Variants in CTSS observed in about 807,000 individuals in gnomAD.
CTSS encodes the protein cathepsin S.
CTSS carries 15 observed loss-of-function variants against 39.9 expected under a neutral mutation model. The observed-to-expected ratio is 0.38, with a 90% CI of 0.25 to 0.58. The LOEUF (loss-of-function observed/expected upper bound fraction) is 0.58, where lower values mean the gene tolerates loss of function less well. Ranked by LOEUF, CTSS falls within the 20% of genes least tolerant of loss-of-function variation. The pLI, the probability that CTSS is intolerant of heterozygous loss-of-function variation, is 0.70. For synonymous variants in CTSS, 126 were observed against 138.2 expected, an observed-to-expected ratio of 0.91 and a Z score of 0.62; for missense variants, 250 against 398.2, an observed-to-expected ratio of 0.63 and a Z score of 3.17.
intron 7 of CTSS, among the ~76,000 whole-genome samples, chr1:150,733,796 C>T (rs1331990024): frequency 6.6e-6 from 1 of 151,456 alleles, no homozygotes; most frequent in Non-Finnish European, 1.5e-5. Context: ...GTCCCTGATT[C>T]TACAAAAAAA....
chr1:150,737,951 T>G (rs770045710), intron 7 of CTSS, among the ~76,000 whole-genome samples: 1 of 152,152 alleles, frequency 6.6e-6, no homozygotes, highest in Non-Finnish European at 1.5e-5. Flanking sequence ...AAAAGGCTAA[T>G]GTGCTGGGAG....
At chr1:150,765,214 T>A (rs2101930108) in intron 1 of CTSS, among the ~76,000 whole-genome samples, 1 of 152,136 alleles carries the variant, frequency 6.6e-6, no homozygotes, top group African/African-American at 2.4e-5. Flanking sequence ...ATATCCACAG[T>A]CTTTACAGAT....
In CTSS at chr1:150,733,152, A is replaced by G; in HGVS notation, c.897-7T>C. ...ACCAAAGTTGTGGCCCCAGCTTTAG[A>G]AAAAGAAATAATACAAAATTACAAA... On this transcript the variant is annotated splice_region_variant and splice_polypyrimidine_tract_variant and intron_variant, in intron 7 of 7. Coordinates refer to ENST00000368985, the MANE Select transcript of CTSS (RefSeq NM_004079.5). The G allele has an allele frequency of 6.3e-7, 1 of 1,592,660 alleles. No individual in the cohort carries two copies. Among genetic ancestry groups the G allele is most frequent in the Non-Finnish European group, 8.6e-7 (1 of 1,163,902 alleles).
intron 3 of CTSS, among the ~76,000 whole-genome samples, chr1:150,757,642 C>G (rs1168564686): frequency 6.6e-6 from 1 of 151,980 alleles, no homozygotes; most frequent in African/African-American, 2.4e-5. Context: ...AAAATTTCCT[C>G]TAAAGAAGTG....
Position 150,755,107 on chromosome 1 carries a change from G to A in CTSS, c.293C>T (p.Pro98Leu), listed in dbSNP as rs370638779. The change falls in exon 4 of 8, where the codon CCC becomes CTC. Residue 98 changes from proline (P) to leucine (L), a missense_variant. Transcript: ENST00000368985. ...TGTGATATTTCTCTGCCACTGGCTG[G>A]GAACTCTCAGGGAACTCATCAAAGA... ...VMSLMSSLRV[P>L]SQWQRNITYK... The A allele has an allele frequency of 5.0e-6, 8 of 1,613,996 alleles. No individual in the cohort carries two copies. The highest frequency in any genetic ancestry group is 5.9e-6 in the Non-Finnish European group (7 of 1,180,020).
rs1237865269 is a variant in CTSS, at chr1:150,731,917, C to CT, written c.*1128dup. On this transcript the variant is annotated 3_prime_UTR_variant, in exon 8 of 8. Coordinates refer to ENST00000368985, the MANE Select transcript of CTSS (RefSeq NM_004079.5). ...AATATAAAAATATGTGTTGAATCCTCTTTTTTTAAGACAGGGTCTTGCTCT... is the reference window on the plus strand; with the variant it reads ...AATATAAAAATATGTGTTGAATCCTCTTTTTTTTAAGACAGGGTCTTGCTCT... 2 of 152,026 alleles carry CT rather than the reference C, an allele frequency of 1.3e-5. No individual in the cohort carries two copies. Among genetic ancestry groups the CT allele is most frequent in the African/African-American group, 4.8e-5 (2 of 41,400 alleles). The allele number at this position is 152,026 out of a possible 1,614,324, so 9.4% of individuals were successfully genotyped here.
At chr1:150,761,074 G>A (rs587744367) in intron 2 of CTSS, among the ~76,000 whole-genome samples, 25 of 151,598 alleles carry the variant, frequency 1.6e-4, no homozygotes, top group African/African-American at 5.8e-4. Context: ...AGCTACTCAG[G>A]AGGCTGAGGC....
In CTSS at chr1:150,735,187, T is replaced by C. The variant is rs78416560; in HGVS notation, c.897-2042A>G. Among the ~76,000 whole-genome samples, 68 of 152,342 alleles carry C rather than the reference T, an allele frequency of 4.5e-4. 1 individual carries two copies. The East Asian group carries it at 0.013, about 28-fold the overall frequency. On this transcript the variant is annotated intron_variant, in intron 7 of 7. Transcript: ENST00000368985. ...AAATTTTGGCTCAGGGACTCAAAGT[T>C]TGTGTTTTTGCATGCAGTGGAGAAC...
chr1:150,731,387 C>CA lies in CTSS; in HGVS notation c.*1658dup, dbSNP rs1652519205. The CA allele has an allele frequency of 6.6e-6, 1 of 151,976 alleles. No individual in the cohort carries two copies. The highest frequency in any genetic ancestry group is 1.5e-5 in the Non-Finnish European group (1 of 67,990). 9.4% of individuals were successfully genotyped at this position (151,976 alleles called of 1,614,324 possible). On this transcript the variant is annotated 3_prime_UTR_variant, in exon 8 of 8. Transcript: ENST00000368985. ...TGGGCAACAGAGTGAGACTCCGTCT[C>CA]AAAAAACAAAACAAAACTGAAAAGT...
chr1:150,739,184 G>A (rs1221991814), intron 7 of CTSS, among the ~76,000 whole-genome samples: 2 of 151,904 alleles, frequency 1.3e-5, no homozygotes, highest in African/African-American at 2.4e-5. Context: ...AACAGAGGGA[G>A]ACTGTCTCAA....
intron 5 of CTSS, among the ~76,000 whole-genome samples, chr1:150,751,096 G>A (rs1652996893): frequency 6.6e-6 from 1 of 152,078 alleles, no homozygotes; most frequent in African/African-American, 2.4e-5. Context: ...ATATCAAAAT[G>A]TATAATGAAT....
At chr1:150,762,423 G>A (rs957953335) in intron 2 of CTSS, among the ~76,000 whole-genome samples, 1 of 152,036 alleles carries the variant, frequency 6.6e-6, no homozygotes, top group Non-Finnish European at 1.5e-5. Context: ...AAAAATAGAC[G>A]AACGGGACTC....
chr1:150,738,531 CAGGT>C (rs1476448936), intron 7 of CTSS, among the ~76,000 whole-genome samples: 6 of 150,000 alleles, frequency 4.0e-5, no homozygotes, highest in African/African-American at 1.5e-4. Context: ...CTCTGTCATC[CAGGT>C]TGTTGTGCAG....
Position 150,763,633 on chromosome 1 carries a change from TA to T in CTSS, c.126+1004del, listed in dbSNP as rs587731786. On this transcript the variant is annotated intron_variant, in intron 2 of 7. Coordinates refer to ENST00000368985, the MANE Select transcript of CTSS (RefSeq NM_004079.5). ...GTGTATGACCTAAGAGTGTCATTTT[TA>T]TACAAAATAATATGTCAAATAAATA... Among the ~76,000 whole-genome samples, 517 of 152,234 alleles carry T rather than the reference TA, an allele frequency of 3.4e-3. 2 individuals are homozygous for T. Among genetic ancestry groups the T allele is most frequent in the Non-Finnish European group, 6.0e-3 (406 of 68,018 alleles).
At chr1:150,758,875 G>T (rs1229067372) in intron 2 of CTSS, among the ~76,000 whole-genome samples, 2 of 148,044 alleles carry the variant, frequency 1.4e-5, no homozygotes, top group Non-Finnish European at 3.0e-5. Context: ...TTTAGACAGG[G>T]TCTTGCTCTT....
At chr1:150,743,678 ATTATAT>A (rs1189942247) in intron 7 of CTSS, among the ~76,000 whole-genome samples, 15 of 64,384 alleles carry the variant, frequency 2.3e-4, no homozygotes, top group African/African-American at 7.7e-4. Context: ...TATATTATAT[ATTATAT>A]GTATATTATG....
At chr1:150,749,268 G>A (rs1359571944) in intron 6 of CTSS, among the ~76,000 whole-genome samples, 1 of 152,206 alleles carries the variant, frequency 6.6e-6, no homozygotes, top group African/African-American at 2.4e-5. Flanking sequence ...GAACAGTCAG[G>A]CATGCTGTGA....
chr1:150,739,122 G>A (rs1652694638), intron 7 of CTSS, among the ~76,000 whole-genome samples: 1 of 152,170 alleles, frequency 6.6e-6, no homozygotes, highest in Non-Finnish European at 1.5e-5. Context: ...TAGAACCTGG[G>A]AGGCAGAGGT....
At chr1:150,740,727 G>T (rs1403909939) in intron 7 of CTSS, among the ~76,000 whole-genome samples, 2 of 150,342 alleles carry the variant, frequency 1.3e-5, no homozygotes, top group African/African-American at 4.9e-5. Flanking sequence ...GTCTCATTCT[G>T]TCACTGAAGC....
Sources: gnomAD v4.1 joint callset for allele counts (sites outside exome capture counted in the v4.1 genomes callset) on GRCh38, gnomAD v4.1.1 for gene constraint, MANE v1.5 for transcripts, NCBI Gene and HGNC (gene_info 2026-07-23, HGNC 2026-07-21) for gene names.